Variants in ERAP1 observed in about 807,000 individuals in gnomAD.
ERAP1 encodes the protein adipocyte-derived leucine aminopeptidase.
Under a neutral mutation model 103.7 loss-of-function variants are expected in ERAP1, and 86 were observed. That is an observed-to-expected ratio of 0.83 (90% CI 0.70 to 0.99). The LOEUF (loss-of-function observed/expected upper bound fraction) is 0.99. ERAP1 is among the 50% of genes least tolerant of loss of function. The pLI is 0.00. For missense variants in ERAP1, 1,009 were observed against 1,128.4 expected, an observed-to-expected ratio of 0.89 and a Z score of 1.52; for synonymous variants, 398 against 402.4, an observed-to-expected ratio of 0.99 and a Z score of 0.13.
intron 16 of ERAP1, 77 bp downstream of exon 16, chr5:96,781,611 GAAAAC>G: frequency 6.3e-7 from 1 of 1,592,626 alleles, no homozygotes; most frequent in Admixed American, 1.7e-5. Context: ...TCCTGGCCAA[GAAAAC>G]AAAAATAGAT....
chr5:96,772,793 A>G (rs1471741131), downstream of ERAP1: 3 of 152,836 alleles, frequency 2.0e-5, no homozygotes, highest in South Asian at 6.2e-4. Context: ...TTTTCCAGAA[A>G]GAAAATGAAT....
the ERAP1 span, among the ~76,000 whole-genome samples, chr5:96,904,271 C>G: frequency 1.3e-5 from 2 of 152,194 alleles, no homozygotes; most frequent in Non-Finnish European, 2.9e-5. Flanking sequence ...AATCAGGTCA[C>G]AAGATCACCA....
chr5:96,883,522 G>T, the ERAP1 span, among the ~76,000 whole-genome samples: 1 of 152,184 alleles, frequency 6.6e-6, no homozygotes, highest in African/African-American at 2.4e-5. Flanking sequence ...CATTCAAGTT[G>T]TCTGAGCCTC....
At chr5:96,771,575 T>C (rs1772333934), downstream of ERAP1, 3 of 1,183,720 alleles carry the variant, frequency 2.5e-6, no homozygotes, top group Non-Finnish European at 3.7e-6. Flanking sequence ...CCCCTAATTC[T>C]GAGAAGGCCA....
At chr5:96,889,200 T>G in the ERAP1 span, 13,288 of 1,614,098 alleles carry the variant, frequency 8.2e-3, 345 homozygotes, top group East Asian at 0.076. Flanking sequence ...CATCTATGCA[T>G]CCCCAGACAA....
chr5:96,827,091 T>G, the ERAP1 span, among the ~76,000 whole-genome samples: 3 of 152,208 alleles, frequency 2.0e-5, no homozygotes, highest in Non-Finnish European at 4.4e-5. Flanking sequence ...GCATCAAGAA[T>G]TTTTTGGATC....
the ERAP1 span, chr5:96,881,498 C>T: frequency 2.2e-6 from 1 of 456,092 alleles, no homozygotes; most frequent in Non-Finnish European, 4.4e-6. Flanking sequence ...GAGTCTGGCT[C>T]AGTGCACTCT....
the ERAP1 span, among the ~76,000 whole-genome samples, chr5:96,840,496 A>C: frequency 6.6e-6 from 1 of 152,196 alleles, no homozygotes; most frequent in Admixed American, 6.5e-5. Context: ...ATAGCCTACC[A>C]AGAAAAAGAT....
Position 96,803,371 on chromosome 5 carries a change from G to A in ERAP1, c.524+32C>T, listed in dbSNP as rs1182335849. ...AATGAATTTAGCGTGGGCAGCACTTGCAGTTTAAAAGAAAAAGAGAAAAAA... is the reference window on the plus strand; with the variant it reads ...AATGAATTTAGCGTGGGCAGCACTTACAGTTTAAAAGAAAAAGAGAAAAAA... On this transcript the variant is annotated intron_variant, in intron 2 of 18. Coordinates refer to ENST00000443439, the MANE Select transcript of ERAP1 (RefSeq NM_001040458.3). 2 of 1,591,896 alleles carry A rather than the reference G, an allele frequency of 1.3e-6. 1 individual carries two copies. The highest frequency in any genetic ancestry group is 2.2e-5 in the South Asian group (2 of 89,798).
At chr5:96,820,962 A>C in the ERAP1 span, among the ~76,000 whole-genome samples, 5 of 152,040 alleles carry the variant, frequency 3.3e-5, no homozygotes, top group Admixed American at 3.3e-4. Context: ...GAAGAAGAGG[A>C]AGAAGAGGAA....
At chr5:96,874,099 GA>G in the ERAP1 span, among the ~76,000 whole-genome samples, 22 of 53,150 alleles carry the variant, frequency 4.1e-4, 1 homozygote, top group Admixed American at 1.4e-3. Flanking sequence ...GAAGAGAAAA[GA>G]AAAAAAAAAG....
At chr5:96,917,750 C>A in the ERAP1 span, 27 of 505,850 alleles carry the variant, frequency 5.3e-5, no homozygotes, top group Admixed American at 8.0e-5. Flanking sequence ...GCTAAAAATA[C>A]AAAAAATTAG....
the ERAP1 span, among the ~76,000 whole-genome samples, chr5:96,890,770 C>G: frequency 6.6e-6 from 1 of 152,178 alleles, no homozygotes; most frequent in African/African-American, 2.4e-5. Flanking sequence ...GAGTCTTACT[C>G]TGCTATTATT....
intron 3 of ERAP1, among the ~76,000 whole-genome samples, chr5:96,799,913 C>T (rs918254534): frequency 6.6e-6 from 1 of 152,120 alleles, no homozygotes; most frequent in African/African-American, 2.4e-5. Flanking sequence ...GGAAGGCATC[C>T]TTATGGTATG....
chr5:96,829,276 A>G, the ERAP1 span, among the ~76,000 whole-genome samples: 1 of 152,240 alleles, frequency 6.6e-6, no homozygotes, highest in Non-Finnish European at 1.5e-5. Flanking sequence ...TCATATACCA[A>G]GTAAAATTCA....
At chr5:96,858,417 G>A in the ERAP1 span, among the ~76,000 whole-genome samples, 7,397 of 152,180 alleles carry the variant, frequency 0.049, 219 homozygotes, top group South Asian at 0.1. Context: ...GTTTCACCAT[G>A]TTGGCCAGGC....
the ERAP1 span, among the ~76,000 whole-genome samples, chr5:96,864,062 A>C: frequency 6.6e-6 from 1 of 152,168 alleles, no homozygotes. Context: ...AAAGGTGGGT[A>C]CATTCATATA....
chr5:96,809,874 GT>G (rs939967336), upstream of ERAP1, among the ~76,000 whole-genome samples: 8 of 152,092 alleles, frequency 5.3e-5, no homozygotes, highest in Admixed American at 5.2e-4. Context: ...TTCTAGTAAA[GT>G]TTTTTTGTTT....
chr5:96,883,890 G>A, the ERAP1 span: 42 of 1,613,616 alleles, frequency 2.6e-5, no homozygotes, highest in East Asian at 5.6e-4. Context: ...ATCAAGATAC[G>A]AAGAGAGAGC....
Sources: allele counts gnomAD v4.1 joint callset (sites outside exome capture counted in the v4.1 genomes callset), GRCh38; gene constraint gnomAD v4.1.1; transcripts MANE v1.5; gene names NCBI Gene and HGNC (gene_info 2026-07-23, HGNC 2026-07-21).